Variants in BIRC6 observed in about 807,000 individuals in gnomAD.
The protein encoded by BIRC6 is dual E2 ubiquitin-conjugating enzyme/E3 ubiquitin-protein ligase BIRC6.
Under a neutral mutation model 503.3 loss-of-function variants are expected in BIRC6, and 98 were observed. The observed-to-expected ratio is 0.19, with a 90% CI of 0.17 to 0.23. The LOEUF is 0.23. Among genes scored for constraint, BIRC6 ranks in the 10% least tolerant of loss-of-function variants. BIRC6 has a pLI of 1.00. For synonymous variants in BIRC6, 2,240 were observed against 2,078.7 expected, an observed-to-expected ratio of 1.08 and a Z score of -2.11; for missense variants, 5,360 against 5,806.0, an observed-to-expected ratio of 0.92 and a Z score of 2.50.
chr2:32,441,851 T>G (rs1416321234), intron 17 of BIRC6, among the ~76,000 whole-genome samples: 1 of 152,136 alleles, frequency 6.6e-6, no homozygotes, highest in African/African-American at 2.4e-5. Context: ...AAAAAGAAAT[T>G]ATACACATTC....
At chr2:32,365,831 A>C (rs1171362783) in intron 1 of BIRC6, among the ~76,000 whole-genome samples, 1 of 151,964 alleles carries the variant, frequency 6.6e-6, no homozygotes, top group African/African-American at 2.4e-5. Context: ...TTGTAAAAAC[A>C]ACTGCTTTTA....
At chr2:32,583,637 TG>T (rs756772159) in intron 66 of BIRC6, among the ~76,000 whole-genome samples, 10 of 152,234 alleles carry the variant, frequency 6.6e-5, no homozygotes, top group Non-Finnish European at 1.3e-4. Flanking sequence ...AAATTAAAGG[TG>T]TTTTTTTAAG....
chr2:32,604,879 C>CT (rs1380181885), intron 71 of BIRC6, among the ~76,000 whole-genome samples: 1 of 145,904 alleles, frequency 6.9e-6, no homozygotes, highest in Non-Finnish European at 1.5e-5. Context: ...TTTCTTTTTT[C>CT]TTTTTCTTTT....
chr2:32,455,292 A>G (rs1462640678), intron 23 of BIRC6, among the ~76,000 whole-genome samples: 1 of 151,042 alleles, frequency 6.6e-6, no homozygotes, highest in Non-Finnish European at 1.5e-5. Context: ...AGGCAGGAGA[A>G]TGGCGTGAAC....
At chr2:32,610,441 A>G (rs543467039) in intron 72 of BIRC6, among the ~76,000 whole-genome samples, 1 of 152,288 alleles carries the variant, frequency 6.6e-6, no homozygotes, top group South Asian at 2.1e-4. Flanking sequence ...TTCCTAAAAT[A>G]AAATCCCATC....
At chr2:32,465,030 T>C (rs2048373793) in intron 25 of BIRC6, 35 bp from the exon 26 acceptor site, 14 of 1,399,154 alleles carry the variant, frequency 1.0e-5, no homozygotes, top group Non-Finnish European at 1.4e-5. Context: ...GTAATATCAA[T>C]ATAAAGTTAG....
Position 32,415,094 on chromosome 2 carries a change from T to C in BIRC6, c.1803T>C (p.Ser601=), listed in dbSNP as rs1172645352. ...LDGLSRTQGE[S]ISEQGSTDNE... ...GTTTAAGCAGAACTCAGGGTGAAAG[T>C]ATATCAGAACAAGGGTCAACTGACA... The change falls in exon 10 of 74, where the codon AGT becomes AGC. Residue 601 remains serine (S), a synonymous_variant. Coordinates refer to ENST00000421745, the MANE Select transcript of BIRC6 (RefSeq NM_016252.4). 3.7e-6 allele frequency: 6 copies of C among 1,613,814 alleles called. No homozygotes were observed. Among genetic ancestry groups the C allele is most frequent in the Non-Finnish European group, 5.1e-6 (6 of 1,179,856 alleles).
chr2:32,477,046 A>G (rs1039838567), intron 34 of BIRC6, among the ~76,000 whole-genome samples: 1 of 152,180 alleles, frequency 6.6e-6, no homozygotes, highest in African/African-American at 2.4e-5. Flanking sequence ...AAGCTTTTAC[A>G]AATTATGTTT....
At chr2:32,548,057 T>G (rs1447227932) in intron 64 of BIRC6, 43 bp downstream of exon 64, 2 of 1,484,518 alleles carry the variant, frequency 1.3e-6, no homozygotes, top group Admixed American at 2.5e-5. Context: ...ATGGCTTTTT[T>G]TTTGTATTTA....
chr2:32,412,072 A>G (rs777227180), intron 9 of BIRC6, among the ~76,000 whole-genome samples: 1 of 152,160 alleles, frequency 6.6e-6, no homozygotes, highest in Non-Finnish European at 1.5e-5. Flanking sequence ...GGCATGCACC[A>G]CAACGCCTGG....
At chr2:32,575,464 T>A in intron 66 of BIRC6, 98 bp downstream of exon 66, 4 of 1,115,830 alleles carry the variant, frequency 3.6e-6, no homozygotes, top group Non-Finnish European at 5.3e-6. Context: ...ATGTGCTTTT[T>A]AAAAGCATAT....
chr2:32,545,615 C>A, intron 62 of BIRC6, 28 bp from the exon 63 acceptor site: 2 of 1,566,130 alleles, frequency 1.3e-6, no homozygotes, highest in Non-Finnish European at 1.8e-6. Context: ...TGTTTTTAAT[C>A]TTGAGTCCTC....
intron 64 of BIRC6, chr2:32,549,006 G>C (rs1269824912): frequency 5.5e-6 from 1 of 180,632 alleles, no homozygotes; most frequent in Non-Finnish European, 1.1e-5. Context: ...TTCAAACTGT[G>C]AATTGAGTCT....
intron 46 of BIRC6, among the ~76,000 whole-genome samples, chr2:32,501,264 A>ATT: frequency 6.6e-6 from 1 of 152,336 alleles, no homozygotes. Context: ...TAGATTAAAA[A>ATT]GAATAGTTAC....
chr2:32,596,848 A>T (rs1201920040), intron 68 of BIRC6, among the ~76,000 whole-genome samples: 3 of 152,202 alleles, frequency 2.0e-5, no homozygotes, highest in East Asian at 3.8e-4. Context: ...AAGTCATTTC[A>T]TGTATATGAA....
At chr2:32,518,605 GTA>G (rs1427185470) in intron 56 of BIRC6, among the ~76,000 whole-genome samples, 4 of 152,166 alleles carry the variant, frequency 2.6e-5, no homozygotes, top group African/African-American at 9.7e-5. Flanking sequence ...AGCCTGAGAA[GTA>G]TAGTTTGATT....
In BIRC6 at chr2:32,604,136, C is replaced by A. The variant is rs190837098; in HGVS notation, c.14070+1053C>A. Among the ~76,000 whole-genome samples the A allele has an allele frequency of 2.6e-5, 4 of 152,176 alleles. No homozygotes were observed. The East Asian group carries it at 7.7e-4, about 29-fold the overall frequency. Reference sequence around the variant, plus strand: ...TTCTATATTATAAAGTTATGTAATTCTCTCATTCATCCTGTAACACAAGTA... The same window carrying A: ...TTCTATATTATAAAGTTATGTAATTATCTCATTCATCCTGTAACACAAGTA... On this transcript the variant is annotated intron_variant, in intron 71 of 73. Coordinates refer to ENST00000421745, the MANE Select transcript of BIRC6 (RefSeq NM_016252.4).
At chr2:32,478,916 T>C in intron 36 of BIRC6, 98 bp downstream of exon 36, 1 of 1,173,470 alleles carries the variant, frequency 8.5e-7, no homozygotes, top group South Asian at 1.4e-5. Flanking sequence ...GAGGGATCTT[T>C]AACCCCCTAA....
At chr2:32,582,244 C>T (rs945984657) in intron 66 of BIRC6, among the ~76,000 whole-genome samples, 1 of 151,982 alleles carries the variant, frequency 6.6e-6, no homozygotes, top group Admixed American at 6.6e-5. Flanking sequence ...TATGGTGGCT[C>T]TTGTGTATAA....
Sources: gnomAD v4.1 joint callset for allele counts (sites outside exome capture counted in the v4.1 genomes callset) on GRCh38, gnomAD v4.1.1 for gene constraint, MANE v1.5 for transcripts, NCBI Gene and HGNC (gene_info 2026-07-23, HGNC 2026-07-21) for gene names.